The following NUP210 variants were observed in gnomAD, a reference collection of about 807,000 sequenced individuals.
NUP210 encodes nuclear pore membrane glycoprotein 210.
Under a neutral mutation model 196.0 loss-of-function variants are expected in NUP210, and 151 were observed. The observed-to-expected ratio is 0.77, with a 90% CI of 0.67 to 0.88. NUP210 has a LOEUF of 0.88. Ranked by LOEUF, NUP210 falls within the 40% of genes least tolerant of loss-of-function variation. The pLI is 0.00. For missense variants in NUP210, 2,314 were observed against 2,493.7 expected (o/e 0.93, Z 1.53); for synonymous variants, 1,070 against 1,052.7 (o/e 1.02, Z -0.32).
At chr3:13,354,353 A>G in intron 16 of NUP210, 2 of 533,168 alleles carry the variant, frequency 3.8e-6, no homozygotes, top group Non-Finnish European at 6.8e-6. Context: ...GGGGGCCTTC[A>G]GCAACACTGG....
At position 13,379,251 on chromosome 3, in the gene NUP210, A is replaced by C. The variant is rs1437773483; in HGVS notation, c.977-271T>G. Among the ~76,000 whole-genome samples, 1 of 152,178 alleles carries C rather than the reference A, an allele frequency of 6.6e-6. No individual in the cohort carries two copies. Among genetic ancestry groups the C allele is most frequent in the East Asian group, 1.9e-4 (1 of 5,196 alleles). On this transcript the variant is annotated intron_variant, in intron 7 of 39. Coordinates refer to ENST00000254508, the MANE Select transcript of NUP210 (RefSeq NM_024923.4). The surrounding 1 kb of genome is among the most constrained non-coding windows in gnomAD (Gnocchi z 4.2). ...AACAAGTCTGGGGCATCAACACTCC[A>C]TTATGCTAGTATGGAAACAGCCCCC...
At position 13,375,568 on chromosome 3, in the gene NUP210, A is replaced by G. The variant is rs1698873103; in HGVS notation, c.1367T>C (p.Leu456Pro). The G allele has an allele frequency of 4.3e-6, 7 of 1,613,996 alleles. No homozygotes were observed. The highest frequency in any genetic ancestry group is 2.2e-5 in the East Asian group (1 of 44,898). The change falls in exon 11 of 40, where the codon CTG (leucine) becomes CCG (proline). Residue 456 changes from leucine (L) to proline (P), a missense_variant. By Grantham distance (98) the Leu-to-Pro change is moderately conservative. Transcript: ENST00000254508. Reference sequence around the variant, plus strand: ...CGGAAATGTCAAGATGCTGGGATACAGGGTGATCGGGATGTGAATTTCCAC... The same window carrying G: ...CGGAAATGTCAAGATGCTGGGATACGGGGTGATCGGGATGTGAATTTCCAC... ...QEVEIHIPIT[L>P]YPSILTFPWQ...
chr3:13,335,400 G>A, intron 28 of NUP210, 54 bp downstream of exon 28: 3 of 1,579,316 alleles, frequency 1.9e-6, no homozygotes, highest in Non-Finnish European at 2.6e-6. Flanking sequence ...AGGAAGATTG[G>A]GCAGCTGGCA....
In NUP210 at chr3:13,378,905, C is replaced by A. The variant is rs561347787; in HGVS notation, c.1045+7G>T. 51 of 1,609,888 alleles carry A rather than the reference C, an allele frequency of 3.2e-5. 1 individual carries two copies. In the South Asian group the frequency reaches 5.3e-4, roughly 17 times the overall value. On this transcript the variant is annotated splice_region_variant and intron_variant, in intron 8 of 39. Transcript: ENST00000254508. ...CATCCATGAGGGCCCAGGAGGCCCACACTCACCTAGGTATCCAGGTTCGAC... is the reference window on the plus strand; with the variant it reads ...CATCCATGAGGGCCCAGGAGGCCCAAACTCACCTAGGTATCCAGGTTCGAC...
Position 13,348,737 on chromosome 3 carries a change from A to T in NUP210, c.2835+3142T>A, listed in dbSNP as rs1458945955. The T allele has an allele frequency of 1.0e-6, 1 of 985,226 alleles. No homozygotes were observed. The highest frequency in any genetic ancestry group is 1.2e-6 in the Non-Finnish European group (1 of 829,924). 61.0% of individuals were successfully genotyped at this position (985,226 alleles called of 1,614,324 possible). A position where few individuals can be genotyped will look rare whatever the true frequency, so the allele number is the denominator to read the frequency against. ...AGCTGCTGAGGGCGTCCTGCCATCC[A>T]AGGGTCTGCCTCTGAGAAGAACAGG... On this transcript the variant is annotated intron_variant, in intron 20 of 39. Coordinates refer to ENST00000254508, the MANE Select transcript of NUP210 (RefSeq NM_024923.4). This position sits in a 1 kb window ranked among gnomAD's most constrained non-coding sequence, Gnocchi z 4.0.
At chr3:13,387,361 G>A (rs1699309631) in intron 5 of NUP210, among the ~76,000 whole-genome samples, 1 of 152,224 alleles carries the variant, frequency 6.6e-6, no homozygotes, top group Admixed American at 6.5e-5. Flanking sequence ...GAATGTCTAT[G>A]GGCAGGACAG....
rs531579529 is a variant in NUP210, at chr3:13,389,031, G to A, written c.534-578C>T. Among the ~76,000 whole-genome samples, 53 of 152,314 alleles carry A rather than the reference G, an allele frequency of 3.5e-4. 1 individual carries two copies. In the South Asian group the frequency reaches 0.01, roughly 30 times the overall value. On this transcript the variant is annotated intron_variant, in intron 4 of 39. Transcript: ENST00000254508. Reference sequence around the variant, plus strand: ...GTGTAGCCTGGAGTGTGGGCTGCTGGGCAGGCGGACTTCAGGGATCCTTCC... The same window carrying A: ...GTGTAGCCTGGAGTGTGGGCTGCTGAGCAGGCGGACTTCAGGGATCCTTCC...
At chr3:13,382,550 A>C (rs1384687800) in intron 6 of NUP210, among the ~76,000 whole-genome samples, 2 of 152,272 alleles carry the variant, frequency 1.3e-5, no homozygotes, top group African/African-American at 2.4e-5. Context: ...GGAGCCAAAA[A>C]AAAGAAGAGA....
intron 39 of NUP210, 126 bp downstream of exon 39, chr3:13,318,946 C>A: frequency 1.1e-6 from 1 of 895,764 alleles, no homozygotes; most frequent in South Asian, 1.8e-5. Flanking sequence ...TCCTCTGGGC[C>A]TCAGGCTCCT....
chr3:13,378,362 T>C (rs1369506763), intron 8 of NUP210, among the ~76,000 whole-genome samples: 3 of 152,240 alleles, frequency 2.0e-5, no homozygotes, highest in Non-Finnish European at 4.4e-5. Flanking sequence ...CAACACAGGA[T>C]ACCACAGCAC....
At chr3:13,332,472 G>A (rs1489119848) in intron 28 of NUP210, 88 bp from the exon 29 acceptor site, 26 of 1,014,044 alleles carry the variant, frequency 2.6e-5, no homozygotes, top group Non-Finnish European at 3.4e-5. Flanking sequence ...AGCAAGAGCC[G>A]AGGAGGGGCC....
chr3:13,332,057 T>C (rs1170842778), intron 29 of NUP210, among the ~76,000 whole-genome samples: 1 of 152,070 alleles, frequency 6.6e-6, no homozygotes, highest in Non-Finnish European at 1.5e-5. Context: ...GTACCTCGCA[T>C]AAAAATGTTT....
At chr3:13,343,755 C>T (rs1697614878) in intron 20 of NUP210, among the ~76,000 whole-genome samples, 1 of 152,138 alleles carries the variant, frequency 6.6e-6, no homozygotes, top group Non-Finnish European at 1.5e-5. Context: ...GAGAAGCACC[C>T]CATGGGGTCT....
At chr3:13,411,153 G>T (rs1700164286) in intron 1 of NUP210, among the ~76,000 whole-genome samples, 1 of 151,998 alleles carries the variant, frequency 6.6e-6, no homozygotes, top group Non-Finnish European at 1.5e-5. Flanking sequence ...GATCACTTGA[G>T]CCCAGGAGTT....
Position 13,376,293 on chromosome 3 carries a change from G to C in NUP210, c.1291C>G (p.Gln431Glu), listed in dbSNP as rs1698902715. 2 of 1,613,458 alleles carry C rather than the reference G, an allele frequency of 1.2e-6. No individual in the cohort carries two copies. The highest frequency in any genetic ancestry group is 1.1e-5 in the South Asian group (1 of 91,042). Residue 431 changes from glutamine to glutamate, a missense_variant and splice_region_variant, in exon 10 of 40, where the codon CAG becomes GAG. Physicochemically the swap from Gln to Glu is conservative, Grantham distance 29. Transcript: ENST00000254508. ...IDAALTSVVD[Q>E]DGGVHILQVP... ...ACGCAGGGGAGACACCAACTTGCCTGGTCCACCACAGAGGTGAGGGCCGCG... is the reference window on the plus strand; with the variant it reads ...ACGCAGGGGAGACACCAACTTGCCTCGTCCACCACAGAGGTGAGGGCCGCG...
At chr3:13,385,121 T>G (rs564992735) in intron 6 of NUP210, among the ~76,000 whole-genome samples, 1 of 152,328 alleles carries the variant, frequency 6.6e-6, no homozygotes, top group East Asian at 1.9e-4. Context: ...TTTGTCCTCC[T>G]GAGAGAAAGC....
intron 1 of NUP210, among the ~76,000 whole-genome samples, chr3:13,411,589 A>G (rs980293889): frequency 6.6e-6 from 1 of 151,904 alleles, no homozygotes; most frequent in Admixed American, 6.6e-5. Context: ...GCAACACTGG[A>G]AGCCCCTGCC....
chr3:13,381,439 G>C (rs1699097300), intron 6 of NUP210, among the ~76,000 whole-genome samples: 1 of 134,872 alleles, frequency 7.4e-6, no homozygotes, highest in Admixed American at 7.6e-5. Flanking sequence ...TTTTTTTAGA[G>C]ATAGGTTCTT....
intron 19 of NUP210, 44 bp from the exon 20 acceptor site, chr3:13,352,024 G>A (rs375017130): frequency 3.1e-6 from 5 of 1,601,774 alleles, no homozygotes; most frequent in Non-Finnish European, 4.3e-6. Context: ...CATGTGGGAG[G>A]GCGAGGAGTC....
Sources: allele counts gnomAD v4.1 joint callset (sites outside exome capture counted in the v4.1 genomes callset), GRCh38; gene constraint gnomAD v4.1.1; non-coding constraint Gnocchi (gnomAD v3.1); transcripts MANE v1.5; gene names NCBI Gene and HGNC (gene_info 2026-07-23, HGNC 2026-07-21).